TXNL4A: variants seen among roughly 807,000 people sequenced by gnomAD.
TXNL4A encodes the protein thioredoxin-like protein 4A.
In TXNL4A, 17 loss-of-function variants were observed where a neutral mutation model predicts 14.6. The observed-to-expected ratio is 1.16, with a 90% confidence interval of 0.80 to 1.74. The LOEUF (loss-of-function observed/expected upper bound fraction) is 1.74, where lower values mean the gene tolerates loss of function less well. Among genes scored for constraint, TXNL4A ranks in the 40% most tolerant of loss-of-function variants. The pLI is 0.00. For synonymous variants in TXNL4A, 83 were observed against 70.6 expected (o/e 1.18, Z -0.88); for missense variants, 74 against 195.2 (o/e 0.38, Z 3.70).
intron 1 of TXNL4A, among the ~76,000 whole-genome samples, chr18:80,008,840 C>T (rs1191792139): frequency 2.6e-5 from 4 of 152,180 alleles, no homozygotes; most frequent in East Asian, 1.9e-4. Flanking sequence ...TGCAGTGGCA[C>T]GATCGTGGCT....
intron 1 of TXNL4A, chr18:80,030,717 G>A (rs754885344): frequency 1.3e-5 from 2 of 152,288 alleles, no homozygotes; most frequent in African/African-American, 2.4e-5. Flanking sequence ...TGTAATCCTA[G>A]CACTTTAGGA....
rs1158954007 is a variant in TXNL4A at position 79,971,074 on chromosome 18, T to G, written c.*2611A>C. Reference sequence around the variant, plus strand: ...GCAACCACTAATCCGTCTCTATGGATGTGCCTATTCTAGAAATTCCGTATA... The same window carrying G: ...GCAACCACTAATCCGTCTCTATGGAGGTGCCTATTCTAGAAATTCCGTATA... On this transcript the variant is annotated 3_prime_UTR_variant, in exon 3 of 3. Transcript: ENST00000269601. The G allele has an allele frequency of 6.5e-6, 1 of 153,320 alleles. No individual in the cohort carries two copies. The highest frequency in any genetic ancestry group is 1.5e-5 in the Non-Finnish European group (1 of 68,750). The allele number at this position is 153,320 out of a possible 1,614,324, so 9.5% of individuals were successfully genotyped here.
chr18:80,018,585 C>T (rs2051827902), intron 1 of TXNL4A, among the ~76,000 whole-genome samples: 1 of 151,926 alleles, frequency 6.6e-6, no homozygotes, highest in African/African-American at 2.4e-5. Context: ...TGATAGACTG[C>T]TAGCAAGACT....
chr18:79,974,671 G>T (rs2051351739), intron 2 of TXNL4A, among the ~76,000 whole-genome samples: 1 of 152,064 alleles, frequency 6.6e-6, no homozygotes, highest in Non-Finnish European at 1.5e-5. Context: ...TAAAGATGGG[G>T]TGTCCCCATG....
At chr18:80,021,312 G>A (rs1020062863) in intron 1 of TXNL4A, among the ~76,000 whole-genome samples, 11 of 152,084 alleles carry the variant, frequency 7.2e-5, no homozygotes, top group Admixed American at 3.9e-4. Context: ...GAGTAGCTGG[G>A]ACTATGGGCA....
At chr18:79,989,798 C>T (rs1422152887), upstream of TXNL4A, among the ~76,000 whole-genome samples, 1 of 152,132 alleles carries the variant, frequency 6.6e-6, no homozygotes, top group African/African-American at 2.4e-5. Context: ...AGTTCAAGAC[C>T]AGTCTGGCCA....
chr18:79,999,124 G>A (rs547547412), intron 1 of TXNL4A, among the ~76,000 whole-genome samples: 24 of 152,128 alleles, frequency 1.6e-4, no homozygotes, highest in Non-Finnish European at 2.1e-4. Flanking sequence ...GCAAACATTT[G>A]CACTGACAGC....
intron 1 of TXNL4A, among the ~76,000 whole-genome samples, chr18:80,018,512 C>G (rs917921239): frequency 6.6e-6 from 1 of 151,432 alleles, no homozygotes; most frequent in Non-Finnish European, 1.5e-5. Flanking sequence ...AAATAGAGAC[C>G]AAAAAAACCC....
intron 1 of TXNL4A, chr18:79,986,881 G>T: frequency 3.5e-6 from 2 of 572,610 alleles, no homozygotes; most frequent in Non-Finnish European, 4.4e-6. Flanking sequence ...GTCCACTACA[G>T]CTCAAGCAAT....
chr18:79,991,561 G>A (rs1413673407), upstream of TXNL4A, among the ~76,000 whole-genome samples: 1 of 152,134 alleles, frequency 6.6e-6, no homozygotes, highest in African/African-American at 2.4e-5. Context: ...TGACATTTGG[G>A]TTGTTTGCAT....
upstream of TXNL4A, among the ~76,000 whole-genome samples, chr18:79,990,391 G>A (rs765149133): frequency 1.3e-5 from 2 of 152,212 alleles, no homozygotes; most frequent in Non-Finnish European, 2.9e-5. Context: ...ACATAAAGGC[G>A]TGTTCAGGTT....
At chr18:80,012,456 G>A (rs2051776380) in intron 1 of TXNL4A, among the ~76,000 whole-genome samples, 1 of 152,146 alleles carries the variant, frequency 6.6e-6, no homozygotes, top group South Asian at 2.1e-4. Flanking sequence ...TATAGTGCCT[G>A]CTCCTCTCCA....
At chr18:80,024,706 C>T (rs1452933640) in intron 1 of TXNL4A, among the ~76,000 whole-genome samples, 2 of 152,134 alleles carry the variant, frequency 1.3e-5, no homozygotes, top group African/African-American at 2.4e-5. Flanking sequence ...TTCAGAAGAA[C>T]ATATTTAGGG....
At chr18:79,984,572 CAA>C (rs548624447) in intron 1 of TXNL4A, among the ~76,000 whole-genome samples, 3 of 151,702 alleles carry the variant, frequency 2.0e-5, no homozygotes, top group Admixed American at 2.0e-4. Context: ...CTCAAACAAA[CAA>C]AAAAAATGTA....
chr18:79,988,230 G>C lies in TXNL4A; in HGVS notation c.153+10C>G, dbSNP rs372609874. On this transcript the variant is annotated intron_variant, in intron 1 of 2. Transcript: ENST00000269601. Reference sequence around the variant, plus strand: ...CACAGCCCGCAGAGCGGGAGAGTCCGGCGCGCTACCTTCTCGGCGATGCTG... The same window carrying C: ...CACAGCCCGCAGAGCGGGAGAGTCCCGCGCGCTACCTTCTCGGCGATGCTG... The C allele has an allele frequency of 1.3e-6, 2 of 1,522,350 alleles. No individual in the cohort carries two copies. Among genetic ancestry groups the C allele is most frequent in the Non-Finnish European group, 1.8e-6 (2 of 1,116,222 alleles). 94.3% of individuals were successfully genotyped at this position (1,522,350 alleles called of 1,614,324 possible).
intron 1 of TXNL4A, among the ~76,000 whole-genome samples, chr18:80,005,314 C>CA (rs1488092349): frequency 2.0e-5 from 3 of 152,238 alleles, no homozygotes; most frequent in Non-Finnish European, 2.9e-5. Flanking sequence ...GCAGACTTGG[C>CA]AAGCTCCCCT....
intron 1 of TXNL4A, among the ~76,000 whole-genome samples, chr18:80,012,279 G>GT (rs555056572): frequency 9.5e-4 from 145 of 152,240 alleles, no homozygotes; most frequent in African/African-American, 3.4e-3. Context: ...GTCCTTTTAA[G>GT]TTTTTTCTGT....
At chr18:79,986,437 A>C (rs1455062474) in intron 1 of TXNL4A, among the ~76,000 whole-genome samples, 2 of 125,582 alleles carry the variant, frequency 1.6e-5, no homozygotes, top group African/African-American at 5.0e-5. Flanking sequence ...ACTATTTTAA[A>C]AGACCAAAAA....
At chr18:79,975,703 G>A (rs1463162763) in intron 2 of TXNL4A, among the ~76,000 whole-genome samples, 2 of 152,222 alleles carry the variant, frequency 1.3e-5, no homozygotes, top group Non-Finnish European at 2.9e-5. Flanking sequence ...GGGAAACGGA[G>A]AAAAGGGGAC....
Sources: allele counts gnomAD v4.1 joint callset (sites outside exome capture counted in the v4.1 genomes callset), GRCh38; gene constraint gnomAD v4.1.1; transcripts MANE v1.5; gene names NCBI Gene and HGNC (gene_info 2026-07-23, HGNC 2026-07-21).